The following SAMD5 variants were observed in gnomAD, a reference collection of about 807,000 sequenced individuals.
SAMD5 encodes the protein sterile alpha motif domain-containing protein 5.
SAMD5 carries 13 observed loss-of-function variants against 11.3 expected under a neutral mutation model. The observed-to-expected ratio is 1.15, with a 90% CI of 0.75 to 1.83. The LOEUF (loss-of-function observed/expected upper bound fraction) is 1.83. SAMD5 is among the 40% of genes most tolerant of loss of function. The pLI is 0.00. For synonymous variants in SAMD5, 129 were observed against 111.3 expected (o/e 1.16, Z -1.00); for missense variants, 255 against 239.1 (o/e 1.07, Z -0.44).
the SAMD5 span, among the ~76,000 whole-genome samples, chr6:147,887,605 T>C: frequency 6.6e-6 from 1 of 152,196 alleles, no homozygotes; most frequent in Non-Finnish European, 1.5e-5. Context: ...TGATTCCAGT[T>C]TTTTACTACA....
rs1788041381 is a variant in SAMD5, at chr6:147,509,153, G to C, written c.225G>C (p.Thr75=). ...CCAACGCCGCCGGCCTCTACTTCAC[G>C]CTTGAGCCGCAGCCGGCGCCCCCCG... The part of the protein sequence containing the change: ...QDANAAGLYF[T]LEPQPAPPGP... The change falls in exon 1 of 2, where the codon ACG becomes ACC. Residue 75 remains threonine, a synonymous_variant. Coordinates refer to ENST00000367474, the MANE Select transcript of SAMD5 (RefSeq NM_001030060.3). 4.2e-6 allele frequency: 6 copies of C among 1,417,908 alleles called. No homozygotes were observed. Among genetic ancestry groups the C allele is most frequent in the Non-Finnish European group, 5.5e-6 (6 of 1,084,716 alleles). The allele number at this position is 1,417,908 out of a possible 1,614,324, so 87.8% of individuals were successfully genotyped here. A position where few individuals can be genotyped will look rare whatever the true frequency, so the allele number is the denominator to read the frequency against.
chr6:147,656,270 T>C (rs117377533), intron 1 of SAMD5, among the ~76,000 whole-genome samples: 2,228 of 152,218 alleles, frequency 0.015, 77 homozygotes, highest in Admixed American at 0.067. Flanking sequence ...CTCTACAACT[T>C]GAACACAGAG....
chr6:147,556,837 C>A (rs75029041), intron 1 of SAMD5, among the ~76,000 whole-genome samples: 5,859 of 152,138 alleles, frequency 0.039, 354 homozygotes, highest in African/African-American at 0.12. Flanking sequence ...ATATCTACAA[C>A]GATAGTATGT....
chr6:147,924,167 A>G, the SAMD5 span, among the ~76,000 whole-genome samples: 1 of 152,204 alleles, frequency 6.6e-6, no homozygotes, highest in African/African-American at 2.4e-5. Context: ...TGGGGGGAAA[A>G]GAGTTTGCTC....
the SAMD5 span, among the ~76,000 whole-genome samples, chr6:147,913,309 G>T: frequency 2.0e-5 from 3 of 152,146 alleles, no homozygotes; most frequent in Admixed American, 1.3e-4. Context: ...AGAATTTCAA[G>T]CAAATATTGG....
rs1041560896 is a variant in SAMD5 at position 147,711,747 on chromosome 6, A to G, written c.163-25570A>G. The stretch of plus-strand genomic sequence containing the variant: ...AGTTTGTGGTATCCAGAAACCGGGA[A>G]ATATGTTTGTGTTGTGAGTTCCTTA... On this transcript the variant is annotated intron_variant, in intron 1 of 1. Transcript: ENST00000566741. This position sits in a 1 kb window ranked among gnomAD's most constrained non-coding sequence, Gnocchi z 4.1. Among the ~76,000 whole-genome samples the G allele has an allele frequency of 1.3e-5, 2 of 152,222 alleles. No individual in the cohort carries two copies. Among genetic ancestry groups the G allele is most frequent in the Non-Finnish European group, 2.9e-5 (2 of 68,042 alleles).
At chr6:147,838,726 T>A in the SAMD5 span, among the ~76,000 whole-genome samples, 1 of 152,090 alleles carries the variant, frequency 6.6e-6, no homozygotes, top group South Asian at 2.1e-4. Flanking sequence ...ATAAATGAGA[T>A]TTATCTAGAG....
the SAMD5 span, among the ~76,000 whole-genome samples, chr6:147,829,874 T>A: frequency 2.6e-5 from 4 of 152,110 alleles, no homozygotes; most frequent in Non-Finnish European, 5.9e-5. Context: ...GAAGGGGAGT[T>A]GAAACATAAT....
At chr6:147,637,236 G>A (rs1790243319) in intron 1 of SAMD5, among the ~76,000 whole-genome samples, 1 of 152,198 alleles carries the variant, frequency 6.6e-6, no homozygotes, top group Non-Finnish European at 1.5e-5. Flanking sequence ...AACTGAGGGA[G>A]TCCTGGTTGG....
the SAMD5 span, among the ~76,000 whole-genome samples, chr6:147,804,672 G>A: frequency 7.8e-3 from 1,187 of 152,126 alleles, 18 homozygotes; most frequent in Middle Eastern, 0.041. Flanking sequence ...ATCAAAAAGC[G>A]GAAAAAAAGG....
At chr6:147,523,431 G>C (rs1788284549) in intron 1 of SAMD5, among the ~76,000 whole-genome samples, 3 of 152,138 alleles carry the variant, frequency 2.0e-5, no homozygotes, top group African/African-American at 4.8e-5. Context: ...CCTCAATTGA[G>C]TGCTAAACTC....
In SAMD5 at chr6:147,569,420, C is replaced by T. The variant is rs979835987; in HGVS notation, c.*4964C>T. On this transcript the variant is annotated 3_prime_UTR_variant, in exon 2 of 2. Transcript: ENST00000367474. Reference sequence around the variant, plus strand: ...GAGCTAAGTAGTATTTTTTTCTTAACAATTTTGCCAAAATTTCTTCTACTG... The same window carrying T: ...GAGCTAAGTAGTATTTTTTTCTTAATAATTTTGCCAAAATTTCTTCTACTG... The T allele has an allele frequency of 3.1e-6, 3 of 962,758 alleles. No individual in the cohort carries two copies. Among genetic ancestry groups the T allele is most frequent in the Non-Finnish European group, 2.5e-6 (2 of 809,466 alleles). The allele number at this position is 962,758 out of a possible 1,614,324, so 59.6% of individuals were successfully genotyped here.
the SAMD5 span, among the ~76,000 whole-genome samples, chr6:147,918,359 G>C: frequency 2.0e-5 from 3 of 152,022 alleles, no homozygotes; most frequent in Admixed American, 6.6e-5. Flanking sequence ...GTTTGGCTCT[G>C]TGTTTGTCTG....
intron 1 of SAMD5, among the ~76,000 whole-genome samples, chr6:147,531,925 A>C (rs1788436160): frequency 6.6e-6 from 1 of 152,210 alleles, no homozygotes; most frequent in South Asian, 2.1e-4. Flanking sequence ...TCAATATAAT[A>C]ATTTCTCTTG....
At chr6:147,788,855 G>A in the SAMD5 span, among the ~76,000 whole-genome samples, 16 of 150,766 alleles carry the variant, frequency 1.1e-4, no homozygotes, top group African/African-American at 3.2e-4. Context: ...AGGCCAAGGC[G>A]GGAGGATCAC....
intron 1 of SAMD5, among the ~76,000 whole-genome samples, chr6:147,585,271 A>G (rs1321418479): frequency 6.6e-6 from 1 of 152,156 alleles, no homozygotes; most frequent in East Asian, 1.9e-4. Context: ...GTGAAAAGTT[A>G]TAGAGATAAC....
At chr6:147,878,583 A>ATGTATAC in the SAMD5 span, among the ~76,000 whole-genome samples, 7 of 147,846 alleles carry the variant, frequency 4.7e-5, no homozygotes, top group Non-Finnish European at 1.0e-4. Flanking sequence ...ATATCTCTAT[A>ATGTATAC]TAGATATATA....
the SAMD5 span, among the ~76,000 whole-genome samples, chr6:147,896,243 T>C: frequency 3.9e-5 from 6 of 152,200 alleles, no homozygotes; most frequent in African/African-American, 1.4e-4. Context: ...GTGGTGGGTG[T>C]GGTGTGTCAG....
chr6:147,720,067 T>G (rs763747022), intron 1 of SAMD5, among the ~76,000 whole-genome samples: 8 of 152,188 alleles, frequency 5.3e-5, no homozygotes, highest in Non-Finnish European at 1.0e-4. Context: ...GATAAAGGAA[T>G]GCAGAATTGC....
Sources: allele counts gnomAD v4.1 joint callset (sites outside exome capture counted in the v4.1 genomes callset), GRCh38; gene constraint gnomAD v4.1.1; non-coding constraint Gnocchi (gnomAD v3.1); transcripts MANE v1.5; gene names NCBI Gene and HGNC (gene_info 2026-07-23, HGNC 2026-07-21).